The following PTPRC variants were observed in gnomAD, a reference collection of about 807,000 sequenced individuals.
The protein encoded by PTPRC is receptor-type tyrosine-protein phosphatase C.
In PTPRC, 44 loss-of-function variants were observed where a neutral mutation model predicts 155.9. The ratio of observed to expected loss-of-function variants is 0.28; its 90% CI spans 0.22 to 0.36. PTPRC has a LOEUF of 0.36. Among genes scored for constraint, PTPRC ranks in the 10% least tolerant of loss-of-function variants. The pLI is 1.00. For synonymous variants in PTPRC, 525 were observed against 533.1 expected (o/e 0.98, Z 0.21); for missense variants, 1,401 against 1,564.6 (o/e 0.90, Z 1.76).
At chr1:198,694,202 C>T (rs1269985028) in intron 3 of PTPRC, 3 of 1,434,260 alleles carry the variant, frequency 2.1e-6, no homozygotes, top group Non-Finnish European at 2.8e-6. Context: ...CAGGAAGCAG[C>T]CAGCACGAGA....
At chr1:198,697,030 AGT>A in intron 4 of PTPRC, 121 bp downstream of exon 4, 2 of 978,240 alleles carry the variant, frequency 2.0e-6, no homozygotes, top group Non-Finnish European at 3.3e-6. Context: ...ATTTTATTCA[AGT>A]GCAGAAATTG....
rs148267872 is a variant in PTPRC, at chr1:198,653,498, T to C, written c.73+14157T>C. Among the ~76,000 whole-genome samples the C allele has an allele frequency of 7.2e-5, 11 of 151,942 alleles. No homozygotes were observed. In the East Asian group the frequency reaches 2.1e-3, roughly 29 times the overall value. On this transcript the variant is annotated intron_variant, in intron 2 of 32. Coordinates refer to ENST00000442510, the MANE Select transcript of PTPRC (RefSeq NM_002838.5). ...TATTTTACAAATTGAAATACTGAAA[T>C]ACAGAATGTTCAACCACTGTCAACA... is the stretch of plus-strand genomic sequence containing the variant.
chr1:198,749,572 C>G (rs1655288417), intron 28 of PTPRC, 23 bp downstream of exon 28: 1 of 1,604,534 alleles, frequency 6.2e-7, no homozygotes, highest in African/African-American at 1.3e-5. Flanking sequence ...ATTGCCAAAA[C>G]CCAAGATCCA....
At chr1:198,711,927 T>C (rs926214389) in intron 11 of PTPRC, among the ~76,000 whole-genome samples, 1 of 152,184 alleles carries the variant, frequency 6.6e-6, no homozygotes, top group African/African-American at 2.4e-5. Context: ...ATGATAATAC[T>C]ATACATCCAT....
At chr1:198,736,474 G>A (rs1361749193) in intron 23 of PTPRC, among the ~76,000 whole-genome samples, 5 of 151,472 alleles carry the variant, frequency 3.3e-5, no homozygotes, top group African/African-American at 9.7e-5. Context: ...TTCACTTAAC[G>A]TAAGTCCTCC....
rs762391496 is a variant in PTPRC, at chr1:198,718,208, T to C, written c.1565T>C (p.Val522Ala). 5 of 1,613,992 alleles carry C rather than the reference T, an allele frequency of 3.1e-6. No homozygotes were observed. The highest frequency in any genetic ancestry group is 1.6e-4 in the Middle Eastern group (1 of 6,084). Reference sequence around the variant, plus strand: ...CCCCATGAACGTTACCATTTGGAAGTTGAAGCTGGAAATACTCTGGTTAGA... The same window carrying C: ...CCCCATGAACGTTACCATTTGGAAGCTGAAGCTGGAAATACTCTGGTTAGA... The part of the protein sequence containing the change: ...NGPHERYHLE[V>A]EAGNTLVRNE... Residue 522 changes from valine (V) to alanine (A), a missense_variant, in exon 14 of 33, where the codon GTT becomes GCT. By Grantham distance (64) the Val-to-Ala change is moderately conservative (BLOSUM62 0). Transcript: ENST00000442510.
chr1:198,641,877 A>AT (rs1466119689), intron 2 of PTPRC, among the ~76,000 whole-genome samples: 1 of 152,050 alleles, frequency 6.6e-6, no homozygotes, highest in Non-Finnish European at 1.5e-5. Flanking sequence ...CTGTATTAAA[A>AT]ATATATATCT....
At chr1:198,670,908 C>T (rs950580730) in intron 2 of PTPRC, among the ~76,000 whole-genome samples, 4 of 151,940 alleles carry the variant, frequency 2.6e-5, no homozygotes, top group African/African-American at 7.3e-5. Flanking sequence ...AAAGACAATA[C>T]AGTATAACAA....
intron 31 of PTPRC, 57 bp from the exon 32 acceptor site, chr1:198,754,212 A>G: frequency 6.5e-7 from 1 of 1,527,316 alleles, no homozygotes; most frequent in African/African-American, 1.4e-5. Context: ...TTTTATTCTA[A>G]TATCACCCTT....
At chr1:198,743,541 A>G (rs1405017431) in intron 25 of PTPRC, among the ~76,000 whole-genome samples, 4 of 151,884 alleles carry the variant, frequency 2.6e-5, no homozygotes, top group Admixed American at 2.6e-4. Flanking sequence ...AATAAGCAGT[A>G]AAGAGTAGTT....
At chr1:198,736,806 A>G (rs919909568) in intron 23 of PTPRC, among the ~76,000 whole-genome samples, 1 of 151,642 alleles carries the variant, frequency 6.6e-6, no homozygotes, top group Admixed American at 6.6e-5. Flanking sequence ...TTTCTCACCA[A>G]CATTGTCTGA....
In PTPRC at chr1:198,731,714, G is replaced by A; in HGVS notation, c.1962G>A (p.Leu654=). The change falls in exon 18 of 33, where the codon CTG becomes CTA. Residue 654 remains leucine, a synonymous_variant. Transcript: ENST00000442510. ...TTGCTGATGAAGGAAGACTTTTTCT[G>A]GCTGAATTTCAGGTGTGTGTTGCTT... ...RKIADEGRLF[L]AEFQSIPRVF... 1 of 1,602,216 alleles carries A rather than the reference G, an allele frequency of 6.2e-7. No individual in the cohort carries two copies. Among genetic ancestry groups the A allele is most frequent in the Non-Finnish European group, 8.5e-7 (1 of 1,169,786 alleles).
intron 22 of PTPRC, among the ~76,000 whole-genome samples, chr1:198,734,841 A>G (rs1394891894): frequency 1.3e-5 from 2 of 151,708 alleles, no homozygotes; most frequent in Non-Finnish European, 1.5e-5. Flanking sequence ...AACCACAAGC[A>G]ATCATATCCT....
chr1:198,726,851 CT>C (rs1448488166), intron 15 of PTPRC, among the ~76,000 whole-genome samples: 1 of 149,520 alleles, frequency 6.7e-6, no homozygotes, highest in East Asian at 1.9e-4. Flanking sequence ...TTTCTTTTTT[CT>C]TTTCTTTTCT....
intron 2 of PTPRC, among the ~76,000 whole-genome samples, chr1:198,650,790 A>G (rs1428772248): frequency 6.6e-6 from 1 of 151,794 alleles, no homozygotes; most frequent in African/African-American, 2.4e-5. Context: ...GCCTTGGGAA[A>G]CTTCATATTT....
At chr1:198,647,755 TC>T (rs1308541226) in intron 2 of PTPRC, among the ~76,000 whole-genome samples, 2 of 151,878 alleles carry the variant, frequency 1.3e-5, no homozygotes, top group Non-Finnish European at 2.9e-5. Flanking sequence ...GACAACTAGA[TC>T]TATTCAGTTA....
chr1:198,650,566 G>C (rs1254740288), intron 2 of PTPRC, among the ~76,000 whole-genome samples: 1 of 151,812 alleles, frequency 6.6e-6, no homozygotes, highest in East Asian at 1.9e-4. Context: ...CAGAAATCCA[G>C]AGTTATGTTT....
Position 198,742,018 on chromosome 1 carries a change from G to A in PTPRC, c.2553G>A (p.Val851=). 6.2e-7 allele frequency: 1 copy of A among 1,610,642 alleles called. No individual in the cohort carries two copies. The highest frequency in any genetic ancestry group is 8.5e-7 in the Non-Finnish European group (1 of 1,178,566). ...FSNFFSGPIV[V]HCSAGVGRTG... is the part of the protein sequence containing the mutation. ...ATTTCTTCAGTGGTCCCATTGTGGT[G>A]CACTGCAGGTAGGAAAAACGAACAA... Residue 851 remains valine, a synonymous_variant, in exon 24 of 33, where the codon GTG becomes GTA. Coordinates refer to ENST00000442510, the MANE Select transcript of PTPRC (RefSeq NM_002838.5).
rs1253545148 is a variant in PTPRC at position 198,728,357 on chromosome 1, A to G, written c.1738A>G (p.Ile580Val). ...ATTTCTAGATAATTCTAAGGCACTG[A>G]TAGCATTTCTGGCATTTCTGATTAT... ...HSTSYNSKAL[I>V]AFLAFLIIVT... Residue 580 changes from isoleucine to valine, a missense_variant, in exon 16 of 33, where the codon ATA becomes GTA. Ile to Val is a conservative substitution (Grantham distance 29). This residue lies in a region of PTPRC where 867 missense variants were observed against 970.4 expected (regional missense o/e 0.89). Coordinates refer to ENST00000442510, the MANE Select transcript of PTPRC (RefSeq NM_002838.5). 1 of 1,612,828 alleles carries G rather than the reference A, an allele frequency of 6.2e-7. No homozygotes were observed.
Sources: allele counts gnomAD v4.1 joint callset (sites outside exome capture counted in the v4.1 genomes callset), GRCh38; gene constraint gnomAD v4.1.1; regional missense constraint gnomAD v4.1.1; transcripts MANE v1.5; gene names NCBI Gene and HGNC (gene_info 2026-07-23, HGNC 2026-07-21).